Variants in MAPKAPK5 observed in about 807,000 individuals in gnomAD.
MAPKAPK5 encodes MAP kinase-activated protein kinase 5.
A neutral mutation model predicts 65.1 loss-of-function variants in MAPKAPK5; 30 were observed. That is an observed-to-expected ratio of 0.46 (90% CI 0.34 to 0.63). The LOEUF (loss-of-function observed/expected upper bound fraction) is 0.63, where lower values mean the gene tolerates loss of function less well. Among genes scored for constraint, MAPKAPK5 ranks in the 20% least tolerant of loss-of-function variants. MAPKAPK5 has a pLI of 0.01. For missense variants in MAPKAPK5, 433 were observed against 581.4 expected, an observed-to-expected ratio of 0.74 and a Z score of 2.63; for synonymous variants, 179 against 204.6, an observed-to-expected ratio of 0.87 and a Z score of 1.07.
In MAPKAPK5 at chr12:111,899,721, G is replaced by A. The variant is rs971496869; in HGVS notation, c.*6660G>A. On this transcript the variant is annotated 3_prime_UTR_variant, in exon 14 of 14. Transcript: ENST00000550735. ...CCACTATGAAGGCTACATAGAAGGA[G>A]TGTCAGGTTCTTTTGTTTCTGTCAA... 3.1e-5 allele frequency: 10 copies of A among 325,914 alleles called. No homozygotes were observed. Among genetic ancestry groups the A allele is most frequent in the Non-Finnish European group, 5.5e-5 (9 of 162,266 alleles). 20.2% of individuals were successfully genotyped at this position (325,914 alleles called of 1,614,324 possible).
At chr12:111,853,962 C>G (rs1165579669) in intron 1 of MAPKAPK5, among the ~76,000 whole-genome samples, 1 of 152,146 alleles carries the variant, frequency 6.6e-6, no homozygotes, top group African/African-American at 2.4e-5. Flanking sequence ...ACGTTATTTT[C>G]AGATATTAAG....
chr12:111,889,941 A>G, intron 12 of MAPKAPK5, 99 bp from the exon 13 acceptor site: 1 of 739,180 alleles, frequency 1.4e-6, no homozygotes, highest in Non-Finnish European at 2.3e-6. Context: ...TTCAGTCAAC[A>G]TTTTTCAACC....
intron 10 of MAPKAPK5, among the ~76,000 whole-genome samples, chr12:111,886,639 A>G (rs1052763067): frequency 6.6e-6 from 1 of 152,258 alleles, no homozygotes; most frequent in Non-Finnish European, 1.5e-5. Context: ...ACACATGCAA[A>G]TACATCATCG....
chr12:111,862,750 G>T lies in MAPKAPK5; in HGVS notation c.37-2500G>T, dbSNP rs548266754. 9.9e-4 allele frequency among the ~76,000 whole-genome samples: 150 copies of T among 152,212 alleles called. 1 individual carries two copies. Among genetic ancestry groups the T allele is most frequent in the African/African-American group, 3.2e-3 (133 of 41,542 alleles). ...GGTCAGACAACTTATTTTTACATCC[G>T]AGGGGTTGGGCATATGAACTCTGAT... is the stretch of plus-strand genomic sequence containing the variant. On this transcript the variant is annotated intron_variant, in intron 1 of 13. Transcript: ENST00000550735.
At chr12:111,846,579 T>C (rs1400056887) in intron 1 of MAPKAPK5, among the ~76,000 whole-genome samples, 2 of 151,190 alleles carry the variant, frequency 1.3e-5, no homozygotes, top group African/African-American at 4.9e-5. Context: ...CACTGCAGCC[T>C]CTGCCTCCTG....
chr12:111,869,754 C>T (rs2069723505), intron 5 of MAPKAPK5, among the ~76,000 whole-genome samples: 1 of 152,108 alleles, frequency 6.6e-6, no homozygotes, highest in South Asian at 2.1e-4. Context: ...AATAAAACCC[C>T]TTCAAATCCA....
intron 1 of MAPKAPK5, among the ~76,000 whole-genome samples, chr12:111,851,361 T>A (rs908232122): frequency 2.0e-5 from 3 of 152,148 alleles, no homozygotes; most frequent in African/African-American, 7.2e-5. Context: ...AGTCTGGCTC[T>A]GTTGTCCAGG....
Position 111,842,660 on chromosome 12 carries a change from T to A in MAPKAPK5, c.-74T>A, listed in dbSNP as rs1016208852. The A allele has an allele frequency of 8.4e-7, 1 of 1,184,462 alleles. No individual in the cohort carries two copies. The highest frequency in any genetic ancestry group is 1.6e-5 in the African/African-American group (1 of 63,072). The allele number at this position is 1,184,462 out of a possible 1,614,324, so 73.4% of individuals were successfully genotyped here. The stretch of plus-strand genomic sequence containing the variant: ...CCAGGGGCCCGAGTGCCGAGCCCTT[T>A]GCTCCCTCGGCCGCGCGGGGACAGG... On this transcript the variant is annotated 5_prime_UTR_variant, in exon 1 of 14. Transcript: ENST00000550735.
chr12:111,868,876 G>C lies in MAPKAPK5; in HGVS notation c.393+15G>C. ...TAACAAAGCAGGCAAGTTAACCCCA[G>C]GTACCAATCAAACTGCCACCAAAGT... On this transcript the variant is annotated intron_variant, in intron 5 of 13. Coordinates refer to ENST00000550735, the MANE Select transcript of MAPKAPK5 (RefSeq NM_003668.4). 1 of 1,539,502 alleles carries C rather than the reference G, an allele frequency of 6.5e-7. No individual in the cohort carries two copies.
rs73424275 is a variant in MAPKAPK5, at chr12:111,880,689, T to G, written c.660+162T>G. ...GCAGAAAAGTATTTGGAATTCAAGT[T>G]TTTGTTTGATGAAATATCAGATAAG... On this transcript the variant is annotated intron_variant, in intron 8 of 13. Transcript: ENST00000550735. Among the ~76,000 whole-genome samples, 12,991 of 152,218 alleles carry G rather than the reference T, an allele frequency of 0.085. 655 individuals carry two copies. Among genetic ancestry groups the G allele is most frequent in the Middle Eastern group, 0.17 (49 of 294 alleles).
In MAPKAPK5 at chr12:111,895,939, G is replaced by T. The variant is rs1022178856; in HGVS notation, c.*2878G>T. The T allele has an allele frequency of 2.0e-5, 3 of 152,130 alleles. No individual in the cohort carries two copies. The highest frequency in any genetic ancestry group is 4.8e-5 in the African/African-American group (2 of 41,430). The allele number at this position is 152,130 out of a possible 1,614,324, so 9.4% of individuals were successfully genotyped here. A position where few individuals can be genotyped will look rare whatever the true frequency, so the allele number is the denominator to read the frequency against. ...AGAGTTGAATTAAGTGCCTGTTGTT[G>T]TGTTTTTCAGTGAAATGCAAATCTT... On this transcript the variant is annotated 3_prime_UTR_variant, in exon 14 of 14. Transcript: ENST00000550735.
At chr12:111,842,793 C>T (rs750383059) in intron 1 of MAPKAPK5, 24 bp downstream of exon 1, 14 of 1,314,154 alleles carry the variant, frequency 1.1e-5, no homozygotes, top group Non-Finnish European at 1.4e-5. Context: ...GCCCCCTCTT[C>T]CCCCGCGTTG....
Position 111,893,572 on chromosome 12 carries a change from G to GGAA in MAPKAPK5, c.*517_*519dup, listed in dbSNP as rs1235777008. 4 of 152,306 alleles carry GGAA rather than the reference G, an allele frequency of 2.6e-5. No individual in the cohort carries two copies. Among genetic ancestry groups the GGAA allele is most frequent in the African/African-American group, 9.7e-5 (4 of 41,426 alleles). The allele number at this position is 152,306 out of a possible 1,614,324, so 9.4% of individuals were successfully genotyped here. A position where few individuals can be genotyped will look rare whatever the true frequency, so the allele number is the denominator to read the frequency against. On this transcript the variant is annotated 3_prime_UTR_variant, in exon 14 of 14. Transcript: ENST00000550735. ...AGCTTGGGGAGCCAACTTCCATGAT[G>GGAA]GAAGAAGAGGGAGGTGAGCCCTCAT...
intron 8 of MAPKAPK5, among the ~76,000 whole-genome samples, chr12:111,882,639 G>A (rs1479275836): frequency 2.0e-5 from 3 of 152,188 alleles, no homozygotes; most frequent in Non-Finnish European, 4.4e-5. Context: ...AGGCCATGGA[G>A]TCACCTTACT....
At chr12:111,854,629 T>C (rs1318451393) in intron 1 of MAPKAPK5, among the ~76,000 whole-genome samples, 2 of 152,156 alleles carry the variant, frequency 1.3e-5, no homozygotes, top group African/African-American at 4.8e-5. Context: ...GAGGCCAAAG[T>C]TTGGAATACA....
chr12:111,849,341 C>T (rs2068999144), intron 1 of MAPKAPK5, among the ~76,000 whole-genome samples: 1 of 151,138 alleles, frequency 6.6e-6, no homozygotes, highest in African/African-American at 2.4e-5. Context: ...CTGCAACCTC[C>T]ACCTCCCGGG....
At chr12:111,865,420 G>A (rs1261990333) in intron 2 of MAPKAPK5, 97 bp downstream of exon 2, 9 of 828,170 alleles carry the variant, frequency 1.1e-5, no homozygotes, top group African/African-American at 5.1e-5. Context: ...CACATCAGGT[G>A]TGCCAGATTT....
At chr12:111,849,214 A>G (rs1162489459) in intron 1 of MAPKAPK5, among the ~76,000 whole-genome samples, 2 of 150,420 alleles carry the variant, frequency 1.3e-5, no homozygotes, top group Non-Finnish European at 3.0e-5. Context: ...CTGAAGTGCT[A>G]GGATTACTGC....
chr12:111,901,463 CATG>C lies in MAPKAPK5; in HGVS notation c.*8408_*8410del, dbSNP rs1017718078. 6.4e-5 allele frequency: 29 copies of C among 454,898 alleles called. No individual in the cohort carries two copies. In the East Asian group the frequency reaches 7.0e-4, roughly 11 times the overall value. 28.2% of individuals were successfully genotyped at this position (454,898 alleles called of 1,614,324 possible). ...CCAGACGTGAAGAACATGCTGTAGA[CATG>C]ATGATATTATCATTCATTATACTTT... On this transcript the variant is annotated 3_prime_UTR_variant, in exon 14 of 14. Coordinates refer to ENST00000550735, the MANE Select transcript of MAPKAPK5 (RefSeq NM_003668.4).
Sources: allele counts gnomAD v4.1 joint callset (sites outside exome capture counted in the v4.1 genomes callset), GRCh38; gene constraint gnomAD v4.1.1; transcripts MANE v1.5; gene names NCBI Gene and HGNC (gene_info 2026-07-23, HGNC 2026-07-21).